CRTAC1: variants seen among roughly 807,000 people sequenced by gnomAD.
The protein encoded by CRTAC1 is cartilage acidic protein 1.
In CRTAC1, 37 loss-of-function variants were observed where a neutral mutation model predicts 67.8. That is an observed-to-expected ratio of 0.55 (90% CI 0.42 to 0.72). The LOEUF (loss-of-function observed/expected upper bound fraction) is 0.72, where lower values mean the gene tolerates loss of function less well. CRTAC1 is among the 30% of genes least tolerant of loss of function. The pLI is 0.00. For missense variants in CRTAC1, 780 were observed against 931.6 expected, an observed-to-expected ratio of 0.84 and a Z score of 2.12; for synonymous variants, 348 against 371.0, an observed-to-expected ratio of 0.94 and a Z score of 0.71.
intron 2 of CRTAC1, among the ~76,000 whole-genome samples, chr10:97,992,895 T>G (rs901641976): frequency 1.1e-4 from 16 of 152,186 alleles, no homozygotes; most frequent in Admixed American, 6.5e-5. Context: ...TTAATAACAA[T>G]GTATTGTATT....
At chr10:97,877,218 T>C (rs1349443851) in intron 14 of CRTAC1, among the ~76,000 whole-genome samples, 1 of 152,208 alleles carries the variant, frequency 6.6e-6, no homozygotes, top group Non-Finnish European at 1.5e-5. Flanking sequence ...TATAGCAACC[T>C]GAGAATTCAG....
intron 1 of CRTAC1, 144 bp from the exon 2 acceptor site, chr10:98,011,481 G>A (rs766414480): frequency 1.2e-5 from 10 of 853,512 alleles, no homozygotes; most frequent in African/African-American, 1.7e-5. Flanking sequence ...CTTTCCACAA[G>A]CCCTGCCCTC....
chr10:97,923,238 A>G (rs1318329543), intron 4 of CRTAC1, 26 bp downstream of exon 4: 2 of 1,613,490 alleles, frequency 1.2e-6, no homozygotes, highest in Admixed American at 1.7e-5. Context: ...GCTTCTCCCC[A>G]GGACCCCATG....
At chr10:97,999,433 T>C (rs998402497) in intron 2 of CRTAC1, among the ~76,000 whole-genome samples, 24 of 152,212 alleles carry the variant, frequency 1.6e-4, no homozygotes, top group African/African-American at 5.8e-4. Context: ...GTGCACAGGC[T>C]CAGGGCAGTG....
At chr10:97,901,397 C>T (rs544995726) in intron 8 of CRTAC1, 106 bp downstream of exon 8, 2 of 1,412,936 alleles carry the variant, frequency 1.4e-6, no homozygotes, top group South Asian at 1.3e-5. Context: ...GGCCTGACCC[C>T]CTGGCCCTGG....
intron 2 of CRTAC1, among the ~76,000 whole-genome samples, chr10:97,995,524 A>G (rs751792782): frequency 2.4e-4 from 36 of 152,166 alleles, no homozygotes; most frequent in Admixed American, 5.2e-4. Flanking sequence ...TCTGTTTCCA[A>G]TGGTATGCAG....
chr10:97,998,722 A>G (rs982771612), intron 2 of CRTAC1, among the ~76,000 whole-genome samples: 5 of 152,214 alleles, frequency 3.3e-5, no homozygotes, highest in Non-Finnish European at 5.9e-5. Context: ...AAAAAAATGT[A>G]AAAACATTGT....
intron 2 of CRTAC1, among the ~76,000 whole-genome samples, chr10:97,986,739 C>T (rs1381239291): frequency 1.3e-5 from 2 of 152,050 alleles, no homozygotes; most frequent in African/African-American, 4.8e-5. Flanking sequence ...TCAGACTGGC[C>T]CTGCCCTGCT....
chr10:98,012,393 A>G (rs930227376), intron 1 of CRTAC1, among the ~76,000 whole-genome samples: 6 of 152,090 alleles, frequency 3.9e-5, no homozygotes. Context: ...GCCTAGAATC[A>G]GCACTCATGA....
At position 98,030,313 on chromosome 10, in the gene CRTAC1, G is replaced by T; in HGVS notation, c.24+136C>A. On this transcript the variant is annotated intron_variant, in intron 1 of 14. Transcript: ENST00000370597. This position sits in a 1 kb window ranked among gnomAD's most constrained non-coding sequence, Gnocchi z 4.2. ...CTCCCAGCAAGTTAGGAGCGAAGCC[G>T]CCGCCTTCGCGATCCCAGTCTTCCC... The T allele has an allele frequency of 1.9e-6, 1 of 518,820 alleles. No individual in the cohort carries two copies. 32.1% of individuals were successfully genotyped at this position (518,820 alleles called of 1,614,324 possible).
chr10:97,968,324 C>A (rs548579730), intron 2 of CRTAC1, among the ~76,000 whole-genome samples: 1 of 152,260 alleles, frequency 6.6e-6, no homozygotes, highest in Admixed American at 6.5e-5. Context: ...CTCACTGCAA[C>A]CTCCACCTCC....
chr10:98,011,364 C>A, intron 1 of CRTAC1, 27 bp from the exon 2 acceptor site: 2 of 1,612,002 alleles, frequency 1.2e-6, no homozygotes, highest in Non-Finnish European at 1.7e-6. Flanking sequence ...CAAATGTTAC[C>A]GAAAGAACCT....
chr10:97,982,251 G>A (rs1333373414), intron 2 of CRTAC1, among the ~76,000 whole-genome samples: 1 of 152,222 alleles, frequency 6.6e-6, no homozygotes, highest in African/African-American at 2.4e-5. Flanking sequence ...CTATGATGCG[G>A]TCTAGGCAGG....
rs1463981001 is a variant in CRTAC1 at position 98,011,272 on chromosome 10, C to A, written c.90G>T (p.Arg30=). Residue 30 remains arginine, a synonymous_variant, in exon 2 of 15, where the codon CGG becomes CGT. Coordinates refer to ENST00000370597, the MANE Select transcript of CRTAC1 (RefSeq NM_018058.7). ...WFLPITEGSQ[R]AEPMFTAVTN... ...TGACTGCAGTGAACATGGGTTCAGC[C>A]CGCTGGGACCCCTCAGTGATGGGCA... The A allele has an allele frequency of 1.9e-6, 3 of 1,614,050 alleles. No homozygotes were observed. The highest frequency in any genetic ancestry group is 2.5e-6 in the Non-Finnish European group (3 of 1,180,034).
chr10:97,943,201 T>C (rs2051205506), intron 2 of CRTAC1, among the ~76,000 whole-genome samples: 1 of 150,992 alleles, frequency 6.6e-6, no homozygotes, highest in Non-Finnish European at 1.5e-5. Flanking sequence ...CAGAGACACA[T>C]GGAATATACA....
At chr10:97,932,954 T>C (rs919295337) in intron 3 of CRTAC1, among the ~76,000 whole-genome samples, 7 of 152,208 alleles carry the variant, frequency 4.6e-5, no homozygotes, top group Non-Finnish European at 8.8e-5. Context: ...GTGCTTGCCC[T>C]CTTCCAGGAA....
At chr10:97,877,458 G>A (rs1441087857) in intron 14 of CRTAC1, among the ~76,000 whole-genome samples, 1 of 146,878 alleles carries the variant, frequency 6.8e-6, no homozygotes, top group African/African-American at 2.7e-5. Flanking sequence ...CACAGTAGGG[G>A]CTCAACAAAT....
At position 97,895,961 on chromosome 10, in the gene CRTAC1, C is replaced by T; in HGVS notation, c.1241G>A (p.Gly414Glu). ...CAAGATGAGGTCCAGCATCCCGTCT[C>T]CGTCGAAGTCGGTCACCACACCCCC... ...GTGGVVTDFD[G>E]DGMLDLILSH... The change falls in exon 10 of 15, where the codon GGA (glycine) becomes GAA (glutamate). Residue 414 changes from glycine to glutamate, a missense_variant. Transcript: ENST00000370597. The surrounding 1 kb of genome is among the most constrained non-coding windows in gnomAD (Gnocchi z 4.2). 6.2e-7 allele frequency: 1 copy of T among 1,614,138 alleles called. No individual in the cohort carries two copies. The highest frequency in any genetic ancestry group is 1.1e-5 in the South Asian group (1 of 91,082).
At chr10:97,948,088 T>C (rs986642329) in intron 2 of CRTAC1, among the ~76,000 whole-genome samples, 3 of 129,966 alleles carry the variant, frequency 2.3e-5, no homozygotes, top group African/African-American at 8.8e-5. Context: ...TTGGATTCCA[T>C]GGCATTCCCT....
Sources: allele counts gnomAD v4.1 joint callset (sites outside exome capture counted in the v4.1 genomes callset), GRCh38; gene constraint gnomAD v4.1.1; non-coding constraint Gnocchi (gnomAD v3.1); transcripts MANE v1.5; gene names NCBI Gene and HGNC (gene_info 2026-07-23, HGNC 2026-07-21).